The following NF1 variants were observed in gnomAD, a reference collection of about 807,000 sequenced individuals.
NF1 encodes neurofibromin 1.
A neutral mutation model predicts 325.7 loss-of-function variants in NF1; 122 were observed. The ratio of observed to expected loss-of-function variants is 0.37; its 90% CI spans 0.32 to 0.44. The LOEUF (loss-of-function observed/expected upper bound fraction) is 0.44. Among genes scored for constraint, NF1 ranks in the 20% least tolerant of loss-of-function variants. The pLI, the probability that NF1 is intolerant of heterozygous loss-of-function variation, is 1.00. For missense variants in NF1, 2,140 were observed against 3,415.4 expected (o/e 0.63, Z 9.31); for synonymous variants, 1,091 against 1,186.0 (o/e 0.92, Z 1.65).
chr17:31,315,133 G>C (rs759315135), intron 36 of NF1, among the ~76,000 whole-genome samples: 1 of 152,012 alleles, frequency 6.6e-6, no homozygotes, highest in Non-Finnish European at 1.5e-5. Context: ...TTTTACTAGT[G>C]ACTTTTGAGT....
At chr17:31,351,816 C>T (rs1241952383) in intron 50 of NF1, among the ~76,000 whole-genome samples, 5 of 152,002 alleles carry the variant, frequency 3.3e-5, no homozygotes, top group African/African-American at 1.2e-4. Context: ...TGCAGCCCAA[C>T]ACAAATTTGT....
chr17:31,306,896 T>G (rs1191043681), intron 36 of NF1, among the ~76,000 whole-genome samples: 1 of 151,726 alleles, frequency 6.6e-6, no homozygotes, highest in African/African-American at 2.4e-5. Flanking sequence ...ATTCCTGTAA[T>G]CCCAGCACTT....
intron 51 of NF1, among the ~76,000 whole-genome samples, chr17:31,354,914 CTG>C (rs1281759900): frequency 1.3e-5 from 2 of 152,196 alleles, no homozygotes; most frequent in Non-Finnish European, 2.9e-5. Flanking sequence ...GGGGAGAAGA[CTG>C]TGAAGGATGT....
intron 36 of NF1, among the ~76,000 whole-genome samples, chr17:31,303,609 C>G (rs1236077893): frequency 1.3e-5 from 2 of 151,902 alleles, no homozygotes; most frequent in African/African-American, 2.4e-5. Context: ...GTAAAGATGC[C>G]AGTTTTAAAA....
At chr17:31,338,577 T>C (rs1055774234) in intron 45 of NF1, 127 bp from the exon 46 acceptor site, 3 of 705,506 alleles carry the variant, frequency 4.3e-6, no homozygotes, top group Non-Finnish European at 7.6e-6. Flanking sequence ...AAGATCACCA[T>C]AGCATGAGAA....
rs2151553437 is a variant in NF1 at position 31,336,421 on chromosome 17, C to T, written c.6095C>T (p.Ala2032Val). ...GGATCAATAAAAGCTGAGGTGATGG[C>T]AGATACTGCTGTAGCTTTGGCTTCT... ...GLGSIKAEVM[A>V]DTAVALASGN... Residue 2032 changes from alanine to valine, a missense_variant, in exon 41 of 58, where the codon GCA becomes GTA. Around this residue, in one of 10 missense-constraint regions of NF1, gnomAD observed 180 missense variants for 435.1 expected, o/e 0.41. Transcript: ENST00000358273. This position sits in a 1 kb window ranked among gnomAD's most constrained non-coding sequence, Gnocchi z 5.5. The T allele has an allele frequency of 6.2e-7, 1 of 1,614,044 alleles. No homozygotes were observed. Among genetic ancestry groups the T allele is most frequent in the Non-Finnish European group, 8.5e-7 (1 of 1,180,004 alleles).
chr17:31,232,255 G>C, intron 25 of NF1, 66 bp downstream of exon 25: 1 of 980,614 alleles, frequency 1.0e-6, no homozygotes, highest in South Asian at 1.3e-5. Flanking sequence ...CACAAAAAAA[G>C]CAAAGAAATA....
intron 12 of NF1, among the ~76,000 whole-genome samples, chr17:31,209,754 A>G (rs1322426469): frequency 3.3e-5 from 5 of 152,060 alleles, no homozygotes; most frequent in African/African-American, 1.2e-4. Flanking sequence ...TCCAGGTTCA[A>G]GTGATCTCCT....
intron 4 of NF1, 148 bp downstream of exon 4, chr17:31,163,524 TC>T: frequency 3.8e-6 from 3 of 790,314 alleles, no homozygotes; most frequent in South Asian, 3.3e-5. Context: ...AGCTTTGACC[TC>T]CCAGGCTTAG....
Position 31,218,927 on chromosome 17 carries a change from A to G in NF1, c.1528-78A>G, listed in dbSNP as rs1466429957. On this transcript the variant is annotated intron_variant, in intron 13 of 57. Coordinates refer to ENST00000358273, the MANE Select transcript of NF1 (RefSeq NM_001042492.3). ...AGAAACTTGGTACCCTTTAGCAGTC[A>G]CTGTCTATTTCTTCCTCCTTCTAAT... 3.6e-6 allele frequency: 5 copies of G among 1,382,376 alleles called. No homozygotes were observed. In the African/African-American group the frequency reaches 7.2e-5, roughly 20 times the overall value. 85.6% of individuals were successfully genotyped at this position (1,382,376 alleles called of 1,614,324 possible). A position where few individuals can be genotyped will look rare whatever the true frequency, so the allele number is the denominator to read the frequency against.
intron 36 of NF1, among the ~76,000 whole-genome samples, chr17:31,292,909 G>A (rs1028900030): frequency 2.0e-5 from 3 of 152,030 alleles, no homozygotes; most frequent in African/African-American, 7.2e-5. Flanking sequence ...CAGGCGTGGT[G>A]GCTCATGCCT....
chr17:31,342,280 T>TGATAAATA (rs2069844462), intron 47 of NF1, among the ~76,000 whole-genome samples: 1 of 152,130 alleles, frequency 6.6e-6, no homozygotes, highest in South Asian at 2.1e-4. Context: ...GATATCTAGT[T>TGATAAATA]GTTGGCTATT....
In NF1 at chr17:31,295,887, C is replaced by T. The variant is rs182852590; in HGVS notation, c.4836-29933C>T. ...TTGTTACTACTGAGGTTGAGAACCT[C>T]GAGACTTCTTAGTGTATTTTTAATG... is the stretch of plus-strand genomic sequence containing the variant. On this transcript the variant is annotated intron_variant, in intron 36 of 57. Coordinates refer to ENST00000358273, the MANE Select transcript of NF1 (RefSeq NM_001042492.3). The T allele has an allele frequency of 3.3e-5, 53 of 1,614,060 alleles. No homozygotes were observed. The highest frequency in any genetic ancestry group is 8.3e-5 in the Admixed American group (5 of 60,002).
chr17:31,182,725 G>GGT, intron 8 of NF1, 60 bp downstream of exon 8: 2 of 1,475,064 alleles, frequency 1.4e-6, no homozygotes, highest in Non-Finnish European at 1.9e-6. Context: ...TTTTACTCAA[G>GGT]GTGTGTATTA....
At chr17:31,341,393 A>G (rs2069817123) in intron 47 of NF1, among the ~76,000 whole-genome samples, 1 of 152,024 alleles carries the variant, frequency 6.6e-6, no homozygotes, top group African/African-American at 2.4e-5. Flanking sequence ...GCATGGTGGC[A>G]TGCACCTACA....
chr17:31,129,918 A>G (rs183031190), intron 1 of NF1, among the ~76,000 whole-genome samples: 14 of 152,126 alleles, frequency 9.2e-5, no homozygotes, highest in Admixed American at 2.6e-4. Flanking sequence ...TGTCATTTCA[A>G]CCATCTCAGT....
rs1358140468 is a variant in NF1 at position 31,356,783 on chromosome 17, A to T, written c.7739-177A>T. Reference sequence around the variant, plus strand: ...ATTAATCATATATATTATATACAGCATTGTAAATAGGTAGCCAAAACTTTT... The same window carrying T: ...ATTAATCATATATATTATATACAGCTTTGTAAATAGGTAGCCAAAACTTTT... On this transcript the variant is annotated intron_variant, in intron 52 of 57. Transcript: ENST00000358273. 2.6e-6 allele frequency: 3 copies of T among 1,137,520 alleles called. No individual in the cohort carries two copies. The African/African-American group carries it at 4.7e-5, about 18-fold the overall frequency. 70.5% of individuals were successfully genotyped at this position (1,137,520 alleles called of 1,614,324 possible).
At chr17:31,170,765 C>A (rs1200201675) in intron 5 of NF1, among the ~76,000 whole-genome samples, 1 of 152,172 alleles carries the variant, frequency 6.6e-6, no homozygotes, top group African/African-American at 2.4e-5. Flanking sequence ...CTGTGGTAAG[C>A]AGTGATGTAT....
rs772804360 is a variant in NF1 at position 31,307,854 on chromosome 17, G to A, written c.4836-17966G>A. On this transcript the variant is annotated intron_variant, in intron 36 of 57. Transcript: ENST00000358273. ...TATATTTAGAGAGATTTGATGTTCT[G>A]TTGGAAGGTGCAATAAAGGTTTTAC... The A allele has an allele frequency of 4.7e-6, 6 of 1,276,426 alleles. No homozygotes were observed. The African/African-American group carries it at 6.1e-5, about 13-fold the overall frequency. 79.1% of individuals were successfully genotyped at this position (1,276,426 alleles called of 1,614,324 possible).
Sources: gnomAD v4.1 joint callset for allele counts (sites outside exome capture counted in the v4.1 genomes callset) on GRCh38, gnomAD v4.1.1 for gene constraint, gnomAD v4.1.1 regional missense constraint, Gnocchi (gnomAD v3.1) non-coding constraint, MANE v1.5 for transcripts, NCBI Gene and HGNC (gene_info 2026-07-23, HGNC 2026-07-21) for gene names.